The following PLEKHA4 variants were observed in gnomAD, a reference collection of about 807,000 sequenced individuals.
The protein encoded by PLEKHA4 is pleckstrin homology domain-containing family A member 4.
Under a neutral mutation model 94.7 loss-of-function variants are expected in PLEKHA4, and 73 were observed. The ratio of observed to expected loss-of-function variants is 0.77; its 90% CI spans 0.64 to 0.94. PLEKHA4 has a LOEUF of 0.94. PLEKHA4 is among the 40% of genes least tolerant of loss of function. The pLI is 0.00. For synonymous variants in PLEKHA4, 449 were observed against 437.1 expected (o/e 1.03, Z -0.34); for missense variants, 1,049 against 1,054.1 (o/e 1.00, Z 0.07).
chr19:48,858,821 T>C, intron 8 of PLEKHA4, 39 bp downstream of exon 8: 1 of 1,611,902 alleles, frequency 6.2e-7, no homozygotes, highest in Non-Finnish European at 8.5e-7. Context: ...TGAGGCCTGA[T>C]GGGAAACGTA....
At position 48,841,218 on chromosome 19, in the gene PLEKHA4, G is replaced by C; in HGVS notation, c.1836C>G (p.Thr612=). Residue 612 remains threonine (T), a synonymous_variant, in exon 17 of 20, where the codon ACC becomes ACG. Coordinates refer to ENST00000263265, the MANE Select transcript of PLEKHA4 (RefSeq NM_020904.3). The part of the protein sequence containing the change: ...QECGRPFPRP[T]SPRLLTLGRT... ...TTCCCAGGGTGAGAAGCCGGGGGGA[G>C]GTCGGGCGAGGGAAGGGCCGTCCAC... 1.2e-6 allele frequency: 2 copies of C among 1,613,344 alleles called. No individual in the cohort carries two copies. Among genetic ancestry groups the C allele is most frequent in the Non-Finnish European group, 1.7e-6 (2 of 1,179,802 alleles).
At position 48,847,889 on chromosome 19, in the gene PLEKHA4, G is replaced by C; in HGVS notation, c.1566+11C>G. 1 of 1,542,792 alleles carries C rather than the reference G, an allele frequency of 6.5e-7. No individual in the cohort carries two copies. The highest frequency in any genetic ancestry group is 2.3e-5 in the East Asian group (1 of 43,670). ...GAAGCTTGGGGTGGGGAGGAATTAT[G>C]TGCGTCTTACCTCCCTCTCTGAGGA... On this transcript the variant is annotated intron_variant, in intron 14 of 19. Coordinates refer to ENST00000263265, the MANE Select transcript of PLEKHA4 (RefSeq NM_020904.3).
At chr19:48,858,042 T>A (rs186206637) in intron 8 of PLEKHA4, among the ~76,000 whole-genome samples, 10 of 152,252 alleles carry the variant, frequency 6.6e-5, no homozygotes, top group African/African-American at 2.4e-4. Context: ...CCCTCTCAAC[T>A]TCCTCAACTA....
At chr19:48,843,571 C>T (rs1039881179) in intron 16 of PLEKHA4, among the ~76,000 whole-genome samples, 1 of 152,066 alleles carries the variant, frequency 6.6e-6, no homozygotes, top group Non-Finnish European at 1.5e-5. Context: ...GGCTTGACCT[C>T]CTGGACTCAA....
chr19:48,843,887 A>T (rs887776163), intron 16 of PLEKHA4, among the ~76,000 whole-genome samples: 3 of 150,822 alleles, frequency 2.0e-5, no homozygotes, highest in Admixed American at 1.3e-4. Context: ...TGAACTCCTG[A>T]CCTCAGGTGA....
chr19:48,854,320 A>G, intron 9 of PLEKHA4, 56 bp from the exon 10 acceptor site: 1 of 1,509,846 alleles, frequency 6.6e-7, no homozygotes, highest in Non-Finnish European at 9.2e-7. Context: ...CATTCTTGTA[A>G]CTCAGTGCTG....
At chr19:48,844,125 AT>A (rs2035871734) in intron 16 of PLEKHA4, among the ~76,000 whole-genome samples, 2 of 29,442 alleles carry the variant, frequency 6.8e-5, no homozygotes, top group South Asian at 1.4e-3. Context: ...TTATTTTATT[AT>A]TATTATTATT....
In PLEKHA4 at chr19:48,859,081, C is replaced by T; in HGVS notation, c.751G>A (p.Ala251Thr). ...GGGGCAGGGGGTCGCCGCGCAGGGG[C>T]AGAACGGGGACGGGGGAGGCTCAGA... ...SPLSLPRPRSAPARRPPAPSG... is the reference protein window; with the variant it reads ...SPLSLPRPRSTPARRPPAPSG... The change falls in exon 8 of 20, where the codon GCC (alanine) becomes ACC (threonine). Residue 251 changes from alanine to threonine, a missense_variant. Ala to Thr is a moderately conservative substitution (Grantham distance 58). Coordinates refer to ENST00000263265, the MANE Select transcript of PLEKHA4 (RefSeq NM_020904.3). 8.1e-7 allele frequency: 1 copy of T among 1,241,552 alleles called. No homozygotes were observed. The allele number at this position is 1,241,552 out of a possible 1,614,324, so 76.9% of individuals were successfully genotyped here.
rs1360145756 is a variant in PLEKHA4, at chr19:48,858,858, A to T, written c.972+2T>A. 2 of 1,612,880 alleles carry T rather than the reference A, an allele frequency of 1.2e-6. No individual in the cohort carries two copies. Among genetic ancestry groups the T allele is most frequent in the Admixed American group, 3.3e-5 (2 of 59,744 alleles). On this transcript the variant is annotated splice_donor_variant, in intron 8 of 19. Transcript: ENST00000263265. LOFTEE classifies it high-confidence loss of function. ...TCCCCTCCTTCTCACCTCTCTGCTC[A>T]CCTGTGTTCTGGGCTCCTGACTCCA...
At chr19:48,842,817 C>T (rs1171902730) in intron 16 of PLEKHA4, among the ~76,000 whole-genome samples, 1 of 152,228 alleles carries the variant, frequency 6.6e-6, no homozygotes, top group East Asian at 1.9e-4. Context: ...GAGGGTCTCA[C>T]ACTGGGTGTG....
chr19:48,857,924 A>G (rs1344895123), intron 8 of PLEKHA4, among the ~76,000 whole-genome samples: 2 of 151,590 alleles, frequency 1.3e-5, no homozygotes, highest in East Asian at 3.9e-4. Flanking sequence ...AAAAATAATA[A>G]TAATAATTAA....
At chr19:48,853,654 G>A (rs1221040201) in intron 12 of PLEKHA4, 28 bp downstream of exon 12, 1 of 1,497,026 alleles carries the variant, frequency 6.7e-7, no homozygotes, top group African/African-American at 1.4e-5. Context: ...GGCCTCCTAG[G>A]AGGGCAGGCC....
rs2036808031 is a variant in PLEKHA4, at chr19:48,865,701, G to A, written c.85-91C>T. 7.2e-6 allele frequency: 6 copies of A among 831,190 alleles called. No homozygotes were observed. The South Asian group carries it at 8.1e-5, about 11-fold the overall frequency. 51.5% of individuals were successfully genotyped at this position (831,190 alleles called of 1,614,324 possible). ...TGGACACAGGCAACCGTAGGCTCTC[G>A]CTTGGCTGCCCTGAGAAATGGGTCA... is the stretch of plus-strand genomic sequence containing the variant. On this transcript the variant is annotated intron_variant, in intron 2 of 19. Transcript: ENST00000263265.
At chr19:48,861,335 A>G (rs1438656446) in intron 5 of PLEKHA4, 66 bp downstream of exon 5, 47 of 1,373,600 alleles carry the variant, frequency 3.4e-5, no homozygotes, top group Non-Finnish European at 4.4e-5. Context: ...TTTCCTCGAC[A>G]GATATCTACC....
rs534540819 is a variant in PLEKHA4, at chr19:48,842,480, C to A, written c.1744-1170G>T. On this transcript the variant is annotated intron_variant, in intron 16 of 19. Coordinates refer to ENST00000263265, the MANE Select transcript of PLEKHA4 (RefSeq NM_020904.3). ...GTTAATTTCTTCACAGCAGGCCAGACCATTGGCCTAAAAGCTTGGTAGCAG... is the reference window on the plus strand; with the variant it reads ...GTTAATTTCTTCACAGCAGGCCAGAACATTGGCCTAAAAGCTTGGTAGCAG... 4.6e-5 allele frequency among the ~76,000 whole-genome samples: 7 copies of A among 152,290 alleles called. No individual in the cohort carries two copies. The South Asian group carries it at 1.5e-3, about 32-fold the overall frequency.
chr19:48,860,439 C>T lies in PLEKHA4; in HGVS notation c.387G>A (p.Arg129=), dbSNP rs1256207209. 6.2e-7 allele frequency: 1 copy of T among 1,613,966 alleles called. No individual in the cohort carries two copies. The highest frequency in any genetic ancestry group is 1.3e-5 in the African/African-American group (1 of 74,904). The change falls in exon 6 of 20, where the codon AGG becomes AGA. Residue 129 remains arginine, a synonymous_variant. Transcript: ENST00000263265. ...AGGTGTCAGCGGCCAAAACGTAGGT[C>T]CTCATGCCCGGGTGCTCTGCCTGCG... ...FTFTAEHPGM[R]TYVLAADTLE...
intron 13 of PLEKHA4, among the ~76,000 whole-genome samples, chr19:48,848,463 G>A (rs1308627052): frequency 7.1e-6 from 1 of 141,558 alleles, no homozygotes; most frequent in Admixed American, 7.3e-5. Context: ...TCCAGCCTGG[G>A]CGACAGAGCG....
Position 48,854,165 on chromosome 19 carries a change from TTCTCTCCCCAACTC to T in PLEKHA4, c.1095+38_1095+51del, listed in dbSNP as rs375310058. On this transcript the variant is annotated intron_variant, in intron 10 of 19. Coordinates refer to ENST00000263265, the MANE Select transcript of PLEKHA4 (RefSeq NM_020904.3). ...GCCGCTCCTCCCATCATCTAGAACA[TTCTCTCCCCAACTC>T]TGGGAACTCAGCAAGGATTAGATCA... 1.9e-3 allele frequency: 3,142 copies of T among 1,612,560 alleles called. 51 individuals carry two copies. In the African/African-American group the frequency reaches 0.037, roughly 19 times the overall value.
chr19:48,860,335 T>C lies in PLEKHA4; in HGVS notation c.476+15A>G. 1 of 1,602,090 alleles carries C rather than the reference T, an allele frequency of 6.2e-7. No homozygotes were observed. The highest frequency in any genetic ancestry group is 8.5e-7 in the Non-Finnish European group (1 of 1,169,932). ...AGGGTGGAGGGTCAGGAGCATGGCT[T>C]GGACCTCTACTCACTAGTCGTCCCC... On this transcript the variant is annotated intron_variant, in intron 6 of 19. Transcript: ENST00000263265.
Sources: gnomAD v4.1 joint callset for allele counts (sites outside exome capture counted in the v4.1 genomes callset) on GRCh38, gnomAD v4.1.1 for gene constraint, MANE v1.5 for transcripts, NCBI Gene and HGNC (gene_info 2026-07-23, HGNC 2026-07-21) for gene names.